The following STPG2 variants were observed in gnomAD, a reference collection of about 807,000 sequenced individuals.
STPG2 encodes the protein sperm tail PG-rich repeat containing 2.
In STPG2, 56 loss-of-function variants were observed where a neutral mutation model predicts 54.2. The ratio of observed to expected loss-of-function variants is 1.03; its 90% CI spans 0.83 to 1.29. The LOEUF (loss-of-function observed/expected upper bound fraction) is 1.29, where lower values mean the gene tolerates loss of function less well. Among genes scored for constraint, STPG2 ranks in the 50% most tolerant of loss-of-function variants. The pLI is 0.00. For missense variants in STPG2, 596 were observed against 544.9 expected (o/e 1.09, Z -0.93); for synonymous variants, 200 against 181.8 (o/e 1.10, Z -0.81).
Position 97,616,528 on chromosome 4 carries a change from T to C in STPG2, c.1321-57411A>G, listed in dbSNP as rs113439245. Reference sequence around the variant, plus strand: ...GTTTCATTTTCATTGTAACATTCTCTTGGAGACTAGGATATCACTTTTATT... The same window carrying C: ...GTTTCATTTTCATTGTAACATTCTCCTGGAGACTAGGATATCACTTTTATT... On this transcript the variant is annotated intron_variant, in intron 10 of 10. Transcript: ENST00000295268. Among the ~76,000 whole-genome samples the C allele has an allele frequency of 5.4e-3, 819 of 152,246 alleles. 6 individuals are homozygous for C. The highest frequency in any genetic ancestry group is 0.021 in the Middle Eastern group (6 of 292).
In STPG2 at chr4:97,781,010, A is replaced by C. The variant is rs970403815; in HGVS notation, c.1204+59763T>G. Reference sequence around the variant, plus strand: ...ATCTAAAATTGACACCCTAACATCAAAATTAAAAGAACTAGAGAAGCAAGA... The same window carrying C: ...ATCTAAAATTGACACCCTAACATCACAATTAAAAGAACTAGAGAAGCAAGA... On this transcript the variant is annotated intron_variant, in intron 9 of 10. Transcript: ENST00000295268. Among the ~76,000 whole-genome samples the C allele has an allele frequency of 3.2e-3, 485 of 152,144 alleles. 7 individuals carry two copies. Among genetic ancestry groups the C allele is most frequent in the Admixed American group, 0.016 (246 of 15,246 alleles).
chr4:97,830,441 C>G (rs990949865), intron 9 of STPG2, among the ~76,000 whole-genome samples: 10 of 152,056 alleles, frequency 6.6e-5, no homozygotes, highest in African/African-American at 2.2e-4. Context: ...TAAAGTCCAT[C>G]AACTCTATGA....
intron 8 of STPG2, among the ~76,000 whole-genome samples, chr4:97,908,831 C>T (rs996083933): frequency 1.4e-4 from 17 of 121,528 alleles, no homozygotes; most frequent in East Asian, 1.3e-3. Flanking sequence ...CACATGGACA[C>T]GGGAAGGGGA....
At chr4:97,798,438 G>A (rs1279232738) in intron 9 of STPG2, among the ~76,000 whole-genome samples, 1 of 152,088 alleles carries the variant, frequency 6.6e-6, no homozygotes, top group Non-Finnish European at 1.5e-5. Flanking sequence ...ATTTCGTTAT[G>A]AACCCCATAG....
chr4:97,497,992 G>C (rs1730646368), intron 4 of STPG2, among the ~76,000 whole-genome samples: 1 of 151,840 alleles, frequency 6.6e-6, no homozygotes, highest in Non-Finnish European at 1.5e-5. Context: ...ACTGTGTGCA[G>C]GAAGTGGAAC....
At chr4:97,685,724 G>A (rs1165767635) in intron 10 of STPG2, among the ~76,000 whole-genome samples, 2 of 152,080 alleles carry the variant, frequency 1.3e-5, no homozygotes, top group African/African-American at 2.4e-5. Flanking sequence ...TTTTAATATT[G>A]TTAATCAGTT....
intron 5 of STPG2, among the ~76,000 whole-genome samples, chr4:98,083,270 T>G (rs947571042): frequency 5.3e-5 from 8 of 152,178 alleles, no homozygotes; most frequent in Non-Finnish European, 1.0e-4. Flanking sequence ...GAATTTAAAT[T>G]CTGATGAAAA....
intron 10 of STPG2, among the ~76,000 whole-genome samples, chr4:97,618,851 ATGAGT>A (rs1733935894): frequency 6.6e-6 from 1 of 152,160 alleles, no homozygotes; most frequent in Admixed American, 6.6e-5. Flanking sequence ...TTTTATTGTT[ATGAGT>A]TGTTACTTGA....
At chr4:98,025,878 G>T in intron 5 of STPG2, 1 of 1,598,056 alleles carries the variant, frequency 6.3e-7, no homozygotes, top group South Asian at 1.1e-5. Flanking sequence ...ACCCTGAAGG[G>T]AGCTGTGGAT....
chr4:97,995,792 G>A (rs1259907414), intron 5 of STPG2, among the ~76,000 whole-genome samples: 2 of 152,110 alleles, frequency 1.3e-5, no homozygotes, highest in East Asian at 3.9e-4. Flanking sequence ...ACCAGACATG[G>A]TTTTGCTGTG....
intron 4 of STPG2, among the ~76,000 whole-genome samples, chr4:97,462,312 T>C (rs377509809): frequency 6.6e-6 from 1 of 152,038 alleles, no homozygotes; most frequent in East Asian, 1.9e-4. Context: ...ATTAGTTTTA[T>C]ATAAATCTTA....
In STPG2 at chr4:97,452,043, G is replaced by A. The variant is rs558995967; in HGVS notation, c.462+260656C>T. On this transcript the variant is annotated intron_variant, in intron 4 of 4. Transcript: ENST00000522676. ...CTAAGTTGAGGCAGGAGCTCCCTGG[G>A]TGCCATTGCAGCTACCCAAACTGCA... is the stretch of plus-strand genomic sequence containing the variant. Among the ~76,000 whole-genome samples the A allele has an allele frequency of 2.7e-5, 4 of 150,292 alleles. No individual in the cohort carries two copies. The East Asian group carries it at 6.0e-4, about 22-fold the overall frequency.
At chr4:98,125,982 C>T (rs1006172809) in intron 3 of STPG2, among the ~76,000 whole-genome samples, 1 of 152,210 alleles carries the variant, frequency 6.6e-6, no homozygotes, top group South Asian at 2.1e-4. Context: ...GTGGGGAATT[C>T]TTCCCAGTAC....
chr4:97,600,277 T>C (rs1733424057), intron 10 of STPG2, among the ~76,000 whole-genome samples: 1 of 152,198 alleles, frequency 6.6e-6, no homozygotes, highest in South Asian at 2.1e-4. Context: ...GTAAAAAGAA[T>C]TTAATTCAAT....
At chr4:97,573,228 C>T (rs1007366445) in intron 10 of STPG2, among the ~76,000 whole-genome samples, 25 of 151,920 alleles carry the variant, frequency 1.6e-4, no homozygotes, top group African/African-American at 5.3e-4. Context: ...TGGAAAATAA[C>T]TATACACGTT....
chr4:97,506,167 T>A (rs1172573410), intron 4 of STPG2, among the ~76,000 whole-genome samples: 1 of 151,728 alleles, frequency 6.6e-6, no homozygotes, highest in Admixed American at 6.6e-5. Context: ...TGGATTGAGG[T>A]AATCTGTCCT....
At position 97,580,801 on chromosome 4, in the gene STPG2, A is replaced by G. The variant is rs149635558; in HGVS notation, c.1321-21684T>C. Among the ~76,000 whole-genome samples, 286 of 152,128 alleles carry G rather than the reference A, an allele frequency of 1.9e-3. 1 individual carries two copies. The highest frequency in any genetic ancestry group is 6.5e-3 in the African/African-American group (268 of 41,544). On this transcript the variant is annotated intron_variant, in intron 10 of 10. Transcript: ENST00000295268. ...CTTTATTCTCACTAATTTTTCAGGTATGTTGATGAAGAGTCTGATTCATTA... is the reference window on the plus strand; with the variant it reads ...CTTTATTCTCACTAATTTTTCAGGTGTGTTGATGAAGAGTCTGATTCATTA...
At chr4:97,679,175 G>C (rs1210594911) in intron 10 of STPG2, among the ~76,000 whole-genome samples, 1 of 152,154 alleles carries the variant, frequency 6.6e-6, no homozygotes, top group Non-Finnish European at 1.5e-5. Flanking sequence ...GGTATTTCTA[G>C]TTCTAGATCC....
chr4:97,550,861 C>T (rs1002991102), intron 4 of STPG2, among the ~76,000 whole-genome samples: 7 of 151,998 alleles, frequency 4.6e-5, no homozygotes, highest in African/African-American at 9.7e-5. Flanking sequence ...TTTTTCCTCC[C>T]GGTGGGTTTG....
Sources: allele counts gnomAD v4.1 joint callset (sites outside exome capture counted in the v4.1 genomes callset), GRCh38; gene constraint gnomAD v4.1.1; transcripts MANE v1.5; gene names NCBI Gene and HGNC (gene_info 2026-07-23, HGNC 2026-07-21).